The following SLC4A8 variants were observed in gnomAD, a reference collection of about 807,000 sequenced individuals.
The protein encoded by SLC4A8 is electroneutral sodium bicarbonate exchanger 1.
A neutral mutation model predicts 125.0 loss-of-function variants in SLC4A8; 40 were observed. The ratio of observed to expected loss-of-function variants is 0.32; its 90% CI spans 0.25 to 0.42. The LOEUF (loss-of-function observed/expected upper bound fraction) is 0.42. SLC4A8 is among the 10% of genes least tolerant of loss of function. The pLI, the probability that SLC4A8 is intolerant of heterozygous loss-of-function variation, is 1.00. For missense variants in SLC4A8, 863 were observed against 1,355.1 expected (o/e 0.64, Z 5.70); for synonymous variants, 456 against 476.0 (o/e 0.96, Z 0.55).
chr12:51,497,036 A>G lies in SLC4A8; in HGVS notation c.2993A>G (p.Lys998Arg). 1 of 1,614,026 alleles carries G rather than the reference A, an allele frequency of 6.2e-7. No individual in the cohort carries two copies. Among genetic ancestry groups the G allele is most frequent in the Non-Finnish European group, 8.5e-7 (1 of 1,180,006 alleles). The change falls in exon 22 of 25, where the codon AAG (lysine) becomes AGG (arginine). Residue 998 changes from lysine (K) to arginine (R), a missense_variant. This residue lies in a region of SLC4A8 where 92 missense variants were observed against 125.6 expected (regional missense o/e 0.73). Coordinates refer to ENST00000453097, the MANE Select transcript of SLC4A8 (RefSeq NM_001039960.3). The stretch of plus-strand genomic sequence containing the variant: ...AAAGTCATGGATCTCTGTTTCTCTA[A>G]GCGAGAGCTGAGCTGGCTAGATGAT... ...VRKVMDLCFSKRELSWLDDLM... is the reference protein window; with the variant it reads ...VRKVMDLCFSRRELSWLDDLM...
chr12:51,422,101 T>A (rs1193892581), upstream of SLC4A8: 1 of 152,222 alleles, frequency 6.6e-6, no homozygotes, highest in East Asian at 1.9e-4. Context: ...AATTAATAGA[T>A]GAATGATGGA....
At chr12:51,505,254 AGGAAACCAAGGGCTG>A in intron 23 of SLC4A8, among the ~76,000 whole-genome samples, 1 of 152,310 alleles carries the variant, frequency 6.6e-6, no homozygotes, top group Admixed American at 6.5e-5. Flanking sequence ...TTCTGTTTCT[AGGAAACCAAGGGCTG>A]GGTTCAAGGT....
At chr12:51,430,423 T>C (rs1332621273) in intron 1 of SLC4A8, among the ~76,000 whole-genome samples, 1 of 152,144 alleles carries the variant, frequency 6.6e-6, no homozygotes, top group Non-Finnish European at 1.5e-5. Context: ...TTTGCTCATA[T>C]TATTTAACAA....
chr12:51,467,151 G>A (rs534841847), intron 11 of SLC4A8, among the ~76,000 whole-genome samples: 1 of 152,280 alleles, frequency 6.6e-6, no homozygotes, highest in African/African-American at 2.4e-5. Context: ...CTGCCTGCAA[G>A]GTTATTGAGG....
At chr12:51,401,388 C>T (rs1460870017) in intron 1 of SLC4A8, among the ~76,000 whole-genome samples, 1 of 152,124 alleles carries the variant, frequency 6.6e-6, no homozygotes, top group South Asian at 2.1e-4. Context: ...ATAGGGGAGC[C>T]AGAAGGGAGA....
At chr12:51,450,644 T>A (rs755934069) in intron 2 of SLC4A8, 5 of 511,976 alleles carry the variant, frequency 9.8e-6, no homozygotes, top group Non-Finnish European at 1.7e-5. Context: ...TCTTTCAGTC[T>A]TCACAAGATC....
At chr12:51,456,050 A>G (rs1397708299) in intron 5 of SLC4A8, among the ~76,000 whole-genome samples, 3 of 152,200 alleles carry the variant, frequency 2.0e-5, no homozygotes, top group Non-Finnish European at 2.9e-5. Context: ...GATGGCAGCA[A>G]TATGGAGGGT....
At position 51,428,435 on chromosome 12, in the gene SLC4A8, A is replaced by G. The variant is rs115003313; in HGVS notation, c.48+3400A>G. ...ATCCAAAGCCAGATGCCTCCCCTTA[A>G]GGAGCTCAAGGTCTAGTCAGGATTG... is the stretch of plus-strand genomic sequence containing the variant. On this transcript the variant is annotated intron_variant, in intron 1 of 24. Coordinates refer to ENST00000453097, the MANE Select transcript of SLC4A8 (RefSeq NM_001039960.3). 8.9e-3 allele frequency among the ~76,000 whole-genome samples: 1,355 copies of G among 152,278 alleles called. 17 individuals are homozygous for G. The highest frequency in any genetic ancestry group is 0.031 in the African/African-American group (1,285 of 41,550).
intron 23 of SLC4A8, 111 bp from the exon 24 acceptor site, chr12:51,505,724 C>T (rs922361358): frequency 1.2e-5 from 6 of 491,772 alleles, no homozygotes; most frequent in African/African-American, 7.8e-5. Context: ...CTGTTGGCTG[C>T]GTGGTCTCAA....
At chr12:51,436,826 C>T (rs1456716969) in intron 1 of SLC4A8, among the ~76,000 whole-genome samples, 2 of 152,082 alleles carry the variant, frequency 1.3e-5, no homozygotes, top group Non-Finnish European at 2.9e-5. Context: ...GGGGTTTCAC[C>T]ATGTTGGCCA....
intron 1 of SLC4A8, among the ~76,000 whole-genome samples, chr12:51,406,558 G>A (rs1948492937): frequency 6.6e-6 from 1 of 152,238 alleles, no homozygotes; most frequent in African/African-American, 2.4e-5. Context: ...GGATTTAGAA[G>A]AGGTGACATG....
At chr12:51,489,360 C>T (rs1307715273) in intron 18 of SLC4A8, among the ~76,000 whole-genome samples, 1 of 152,200 alleles carries the variant, frequency 6.6e-6, no homozygotes, top group Non-Finnish European at 1.5e-5. Flanking sequence ...TTACCTCTAA[C>T]TCCCATAGTT....
At chr12:51,422,674 A>C (rs1484069354), upstream of SLC4A8, among the ~76,000 whole-genome samples, 1 of 152,146 alleles carries the variant, frequency 6.6e-6, no homozygotes, top group Non-Finnish European at 1.5e-5. Flanking sequence ...GCCTTTCTCT[A>C]TCACAACTAT....
Position 51,508,618 on chromosome 12 carries a change from C to T in SLC4A8, c.*1180C>T, listed in dbSNP as rs1938262427. 1 of 152,624 alleles carries T rather than the reference C, an allele frequency of 6.6e-6. No individual in the cohort carries two copies. 9.5% of individuals were successfully genotyped at this position (152,624 alleles called of 1,614,324 possible). On this transcript the variant is annotated 3_prime_UTR_variant, in exon 25 of 25. Transcript: ENST00000453097. Reference sequence around the variant, plus strand: ...ATTCTGGCTCTCAGATGCAAAAAGTCACACTGGGAAATGAACTGTAAGTGG... The same window carrying T: ...ATTCTGGCTCTCAGATGCAAAAAGTTACACTGGGAAATGAACTGTAAGTGG...
chr12:51,503,820 T>G (rs1938043093), intron 22 of SLC4A8, among the ~76,000 whole-genome samples: 1 of 152,230 alleles, frequency 6.6e-6, no homozygotes, highest in African/African-American at 2.4e-5. Context: ...GATTGACATT[T>G]TCTTTTTTTC....
At chr12:51,417,487 C>T (rs1948707921) in intron 1 of SLC4A8, among the ~76,000 whole-genome samples, 1 of 151,998 alleles carries the variant, frequency 6.6e-6, no homozygotes. Context: ...GCTGGGATTA[C>T]AGGCATGCGC....
At chr12:51,473,125 A>C in intron 14 of SLC4A8, among the ~76,000 whole-genome samples, 1 of 149,534 alleles carries the variant, frequency 6.7e-6, no homozygotes. Context: ...ATTTTGATAA[A>C]TGTATAATGA....
intron 1 of SLC4A8, among the ~76,000 whole-genome samples, chr12:51,414,788 G>T (rs1040196663): frequency 4.6e-5 from 7 of 152,126 alleles, no homozygotes; most frequent in Admixed American, 3.9e-4. Context: ...CAGTATATTA[G>T]GTGTGGATTT....
chr12:51,433,974 G>A (rs1190509261), intron 1 of SLC4A8, among the ~76,000 whole-genome samples: 1 of 150,510 alleles, frequency 6.6e-6, no homozygotes, highest in East Asian at 2.0e-4. Flanking sequence ...TCCTGGGCTC[G>A]AGCAATTCTT....
Sources: gnomAD v4.1 joint callset for allele counts (sites outside exome capture counted in the v4.1 genomes callset) on GRCh38, gnomAD v4.1.1 for gene constraint, gnomAD v4.1.1 regional missense constraint, MANE v1.5 for transcripts, NCBI Gene and HGNC (gene_info 2026-07-23, HGNC 2026-07-21) for gene names.